Variants in CACNA1D observed in about 807,000 individuals in gnomAD.
CACNA1D encodes calcium voltage-gated channel subunit alpha1 D.
A neutral mutation model predicts 257.1 loss-of-function variants in CACNA1D; 55 were observed. That is an observed-to-expected ratio of 0.21 (90% CI 0.17 to 0.27). CACNA1D has a LOEUF of 0.27. Ranked by LOEUF, CACNA1D falls within the 10% of genes least tolerant of loss-of-function variation. CACNA1D has a pLI of 1.00. For synonymous variants in CACNA1D, 980 were observed against 1,014.9 expected, an observed-to-expected ratio of 0.97 and a Z score of 0.65; for missense variants, 1,876 against 2,784.0, an observed-to-expected ratio of 0.67 and a Z score of 7.34.
chr3:53,722,659 G>A (rs1398980178), intron 12 of CACNA1D, among the ~76,000 whole-genome samples, 185 bp downstream of exon 12: 3 of 152,250 alleles, frequency 2.0e-5, no homozygotes, highest in Non-Finnish European at 4.4e-5. Flanking sequence ...GCCGCGTGGT[G>A]AAGCACCTTG....
At chr3:53,514,114 T>C (rs1437891104) in intron 3 of CACNA1D, among the ~76,000 whole-genome samples, 2 of 152,158 alleles carry the variant, frequency 1.3e-5, no homozygotes, top group African/African-American at 4.8e-5. Context: ...ACAAGGGAGA[T>C]ACTGTTAAAA....
intron 3 of CACNA1D, among the ~76,000 whole-genome samples, chr3:53,637,464 G>A (rs1463949865): frequency 6.6e-6 from 1 of 151,800 alleles, no homozygotes; most frequent in African/African-American, 2.4e-5. Flanking sequence ...AGCAAGGAAA[G>A]CAATTTAAAA....
At chr3:53,547,529 G>A (rs993021164) in intron 3 of CACNA1D, among the ~76,000 whole-genome samples, 12 of 152,204 alleles carry the variant, frequency 7.9e-5, no homozygotes, top group African/African-American at 2.9e-4. Context: ...TTGTGAGTCA[G>A]TTCTTTAGAT....
intron 17 of CACNA1D, among the ~76,000 whole-genome samples, chr3:53,731,626 G>T (rs992404742): frequency 2.0e-5 from 3 of 152,180 alleles, no homozygotes; most frequent in Non-Finnish European, 4.4e-5. Flanking sequence ...TTACTGAGTG[G>T]CTATCATGTA....
intron 3 of CACNA1D, among the ~76,000 whole-genome samples, chr3:53,553,924 T>C (rs554002361): frequency 5.3e-5 from 8 of 150,794 alleles, no homozygotes; most frequent in Non-Finnish European, 8.9e-5. Context: ...GGGCTGGGCA[T>C]GGTGGCTCAC....
At chr3:53,594,350 C>T (rs1278136786) in intron 3 of CACNA1D, among the ~76,000 whole-genome samples, 6 of 152,192 alleles carry the variant, frequency 3.9e-5, no homozygotes, top group African/African-American at 1.4e-4. Context: ...TCAGGATAAG[C>T]TCGATCCCAG....
intron 8 of CACNA1D, among the ~76,000 whole-genome samples, chr3:53,678,715 G>T (rs560009866): frequency 6.6e-6 from 1 of 152,304 alleles, no homozygotes; most frequent in South Asian, 2.1e-4. Context: ...GATGGAGAAT[G>T]TGAAGAGGGA....
At chr3:53,728,544 G>A (rs1352732353) in intron 15 of CACNA1D, among the ~76,000 whole-genome samples, 3 of 152,166 alleles carry the variant, frequency 2.0e-5, no homozygotes. Context: ...TAGAGTACGG[G>A]ATCTTGCACA....
chr3:53,612,398 C>T (rs962706051), intron 3 of CACNA1D, among the ~76,000 whole-genome samples: 1 of 152,174 alleles, frequency 6.6e-6, no homozygotes, highest in Non-Finnish European at 1.5e-5. Flanking sequence ...TGTCTTTAAG[C>T]GTTGTTAGGG....
At chr3:53,667,556 C>G (rs1439978835) in intron 7 of CACNA1D, among the ~76,000 whole-genome samples, 1 of 152,108 alleles carries the variant, frequency 6.6e-6, no homozygotes, top group Non-Finnish European at 1.5e-5. Flanking sequence ...CTGGTAGTTT[C>G]TAAATTTTAG....
intron 39 of CACNA1D, chr3:53,786,469 C>T (rs757159767): frequency 6.7e-6 from 2 of 298,022 alleles, no homozygotes; most frequent in Non-Finnish European, 1.3e-5. Context: ...AAATGTGGCC[C>T]GTGAAGCCTC....
chr3:53,757,908 C>T (rs569233446), intron 29 of CACNA1D, among the ~76,000 whole-genome samples: 29 of 152,350 alleles, frequency 1.9e-4, no homozygotes, highest in Non-Finnish European at 3.4e-4. Flanking sequence ...TACTATGCAC[C>T]ATCGTTACCA....
At chr3:53,653,019 G>A (rs1302840257) in intron 4 of CACNA1D, among the ~76,000 whole-genome samples, 1 of 152,200 alleles carries the variant, frequency 6.6e-6, no homozygotes, top group Non-Finnish European at 1.5e-5. Flanking sequence ...GGGAGGCCGA[G>A]GTGGGTGGAT....
intron 8 of CACNA1D, among the ~76,000 whole-genome samples, chr3:53,680,494 C>T (rs2094419696): frequency 6.6e-6 from 1 of 152,118 alleles, no homozygotes; most frequent in African/African-American, 2.4e-5. Flanking sequence ...TCCACCTGTG[C>T]TCTGGGTTGT....
rs373675018 is a variant in CACNA1D, at chr3:53,808,413, CA to C, written c.5750-221del. The C allele has an allele frequency of 0.23, 92,116 of 395,062 alleles. 461 individuals are homozygous for C. The highest frequency in any genetic ancestry group is 0.31 in the South Asian group (12,308 of 39,650). The allele number at this position is 395,062 out of a possible 1,614,324, so 24.5% of individuals were successfully genotyped here. ...TGGGCGACAGAGCCAGACTCCATCT[CA>C]AAAAAAAAAAAAAAGTAGTAAGTTT... On this transcript the variant is annotated intron_variant, in intron 45 of 47. Coordinates refer to ENST00000350061, the MANE Select transcript of CACNA1D (RefSeq NM_001128840.3).
chr3:53,658,443 AAG>A (rs1204456703), intron 4 of CACNA1D, among the ~76,000 whole-genome samples: 13 of 152,198 alleles, frequency 8.5e-5, no homozygotes, highest in African/African-American at 3.1e-4. Context: ...CTTTGGTGGC[AAG>A]AGAGAGACAT....
intron 3 of CACNA1D, 147 bp downstream of exon 3, chr3:53,501,867 T>C (rs1481757959): frequency 1.2e-5 from 8 of 650,900 alleles, no homozygotes; most frequent in Admixed American, 2.5e-5. Context: ...GTTTTTTGTT[T>C]GTTTGTTTGT....
chr3:53,794,039 A>C (rs2095496667), intron 40 of CACNA1D, among the ~76,000 whole-genome samples: 1 of 152,242 alleles, frequency 6.6e-6, no homozygotes, highest in Non-Finnish European at 1.5e-5. Flanking sequence ...ACTGTTTAAC[A>C]ACCCAATTAA....
chr3:53,509,851 A>G (rs895662477), intron 3 of CACNA1D, among the ~76,000 whole-genome samples: 3 of 152,222 alleles, frequency 2.0e-5, no homozygotes, highest in African/African-American at 7.2e-5. Flanking sequence ...CCTGCATAAC[A>G]TAGACTCACA....
Sources: gnomAD v4.1 joint callset for allele counts (sites outside exome capture counted in the v4.1 genomes callset) on GRCh38, gnomAD v4.1.1 for gene constraint, MANE v1.5 for transcripts, NCBI Gene and HGNC (gene_info 2026-07-23, HGNC 2026-07-21) for gene names.